PLCL2: variants seen among roughly 807,000 people sequenced by gnomAD.
PLCL2 encodes phospholipase C like 2.
In PLCL2, 4 loss-of-function variants were observed where a neutral mutation model predicts 79.6. That is an observed-to-expected ratio of 0.05 (90% confidence interval 0.02 to 0.11). The LOEUF (loss-of-function observed/expected upper bound fraction) is 0.11, where lower values mean the gene tolerates loss of function less well. PLCL2 is among the 10% of genes least tolerant of loss of function. The pLI is 1.00. For missense variants in PLCL2, 895 were observed against 1,291.0 expected (o/e 0.69, Z 4.70); for synonymous variants, 484 against 457.7 (o/e 1.06, Z -0.73).
intron 1 of PLCL2, among the ~76,000 whole-genome samples, chr3:16,986,965 T>G (rs2064056233): frequency 6.6e-6 from 1 of 151,818 alleles, no homozygotes; most frequent in African/African-American, 2.4e-5. Flanking sequence ...GAGAAGCCAT[T>G]TGATATAGAA....
At chr3:16,910,704 G>C (rs1304272216) in intron 1 of PLCL2, among the ~76,000 whole-genome samples, 1 of 151,742 alleles carries the variant, frequency 6.6e-6, no homozygotes, top group Non-Finnish European at 1.5e-5. Context: ...TGTCCTACTA[G>C]ATTTTTCCAC....
intron 3 of PLCL2, among the ~76,000 whole-genome samples, chr3:17,022,499 T>TA (rs769089546): frequency 8.6e-5 from 13 of 151,926 alleles, no homozygotes; most frequent in Non-Finnish European, 1.8e-4. Context: ...ACAGGAAATT[T>TA]AAAAAAAAGA....
chr3:16,962,306 T>G (rs888526402), intron 1 of PLCL2, among the ~76,000 whole-genome samples: 1 of 152,136 alleles, frequency 6.6e-6, no homozygotes, highest in Non-Finnish European at 1.5e-5. Flanking sequence ...TTCTGGTCAG[T>G]ACAAGATGCC....
chr3:16,923,724 T>C (rs7637568), intron 1 of PLCL2, among the ~76,000 whole-genome samples: 56,586 of 151,992 alleles, frequency 0.37, 10,675 homozygotes, highest in East Asian at 0.55. Context: ...TTCCTCTCCT[T>C]TCATTGTGGA....
chr3:16,992,419 GC>G, intron 1 of PLCL2, among the ~76,000 whole-genome samples: 1 of 152,294 alleles, frequency 6.6e-6, no homozygotes, highest in Middle Eastern at 3.4e-3. Context: ...CCTCCACAGT[GC>G]TCACCACACC....
At chr3:17,074,593 T>A (rs1472047737) in intron 5 of PLCL2, among the ~76,000 whole-genome samples, 1 of 152,224 alleles carries the variant, frequency 6.6e-6, no homozygotes. Context: ...AAGCCCTAGA[T>A]GGCATCTTCT....
intron 1 of PLCL2, among the ~76,000 whole-genome samples, chr3:16,938,771 C>T (rs1384720846): frequency 1.3e-5 from 2 of 152,130 alleles, no homozygotes; most frequent in African/African-American, 4.8e-5. Flanking sequence ...GTTTATGCCC[C>T]ACCCAGGCAT....
At chr3:17,049,726 G>A (rs2064819007) in intron 4 of PLCL2, among the ~76,000 whole-genome samples, 1 of 151,854 alleles carries the variant, frequency 6.6e-6, no homozygotes, top group Non-Finnish European at 1.5e-5. Context: ...TGGATTGGAA[G>A]AATCAATATT....
chr3:16,957,302 G>A (rs1199051252), intron 1 of PLCL2, among the ~76,000 whole-genome samples: 1 of 152,146 alleles, frequency 6.6e-6, no homozygotes, highest in Non-Finnish European at 1.5e-5. Context: ...TAGTCACTCA[G>A]GAGCAGGTTG....
intron 1 of PLCL2, among the ~76,000 whole-genome samples, chr3:17,007,715 G>A (rs2064278069): frequency 6.6e-6 from 1 of 152,204 alleles, no homozygotes; most frequent in Non-Finnish European, 1.5e-5. Context: ...CAGAGATAGA[G>A]TATAGCATAA....
chr3:16,949,138 A>G (rs1005126478), intron 1 of PLCL2, among the ~76,000 whole-genome samples: 4 of 152,224 alleles, frequency 2.6e-5, no homozygotes, highest in Non-Finnish European at 4.4e-5. Context: ...GTTCAGCAGT[A>G]GAATCCTAGT....
At chr3:17,083,012 C>G (rs2065179546) in intron 5 of PLCL2, among the ~76,000 whole-genome samples, 1 of 152,092 alleles carries the variant, frequency 6.6e-6, no homozygotes, top group South Asian at 2.1e-4. Flanking sequence ...AGCCCTTACT[C>G]TGTACCTGGC....
At chr3:17,058,374 G>T (rs148009810) in intron 4 of PLCL2, among the ~76,000 whole-genome samples, 1 of 152,128 alleles carries the variant, frequency 6.6e-6, no homozygotes, top group East Asian at 1.9e-4. Context: ...AAAGAATTTC[G>T]TATGGCAAAA....
intron 5 of PLCL2, among the ~76,000 whole-genome samples, chr3:17,072,438 C>G (rs1215701005): frequency 1.3e-5 from 2 of 151,946 alleles, no homozygotes; most frequent in African/African-American, 2.4e-5. Context: ...GGAGGCCGAG[C>G]TGCATGGATC....
rs186018466 is a variant in PLCL2, at chr3:16,980,075, G to C, written c.328-29599G>C. 7.2e-3 allele frequency among the ~76,000 whole-genome samples: 957 copies of C among 132,794 alleles called. 14 individuals are homozygous for C. The highest frequency in any genetic ancestry group is 0.01 in the Non-Finnish European group (647 of 61,812). 87.1% of individuals were successfully genotyped at this position (132,794 alleles called of 152,430 possible). A position where few individuals can be genotyped will look rare whatever the true frequency, so the allele number is the denominator to read the frequency against. On this transcript the variant is annotated intron_variant, in intron 1 of 5. Transcript: ENST00000615277. ...AGGTGCCCCTCACCTCCGGGACGGGGCGGCTGGCCAGGTAGGGGGCTGACC... is the reference window on the plus strand; with the variant it reads ...AGGTGCCCCTCACCTCCGGGACGGGCCGGCTGGCCAGGTAGGGGGCTGACC...
At chr3:16,915,122 T>C (rs768163243) in intron 1 of PLCL2, among the ~76,000 whole-genome samples, 24 of 152,240 alleles carry the variant, frequency 1.6e-4, no homozygotes, top group Non-Finnish European at 2.8e-4. Flanking sequence ...TAGACGGATG[T>C]TGGAACAAAT....
chr3:16,977,577 G>A (rs2124984192), intron 1 of PLCL2, among the ~76,000 whole-genome samples: 1 of 152,254 alleles, frequency 6.6e-6, no homozygotes, highest in South Asian at 2.1e-4. Flanking sequence ...ACTTATGGTA[G>A]ACCACTTAGG....
At chr3:17,030,445 G>A (rs1342970391) in intron 3 of PLCL2, among the ~76,000 whole-genome samples, 1 of 152,142 alleles carries the variant, frequency 6.6e-6, no homozygotes, top group Non-Finnish European at 1.5e-5. Context: ...TTCCAGAGCA[G>A]CATTTGTCAT....
intron 1 of PLCL2, among the ~76,000 whole-genome samples, chr3:16,927,681 C>A (rs902320014): frequency 6.6e-6 from 1 of 151,614 alleles, no homozygotes; most frequent in Non-Finnish European, 1.5e-5. Context: ...AGGCTCTACC[C>A]ACTAGATGTC....
Sources: allele counts gnomAD v4.1 joint callset (sites outside exome capture counted in the v4.1 genomes callset), GRCh38; gene constraint gnomAD v4.1.1; transcripts MANE v1.5; gene names NCBI Gene and HGNC (gene_info 2026-07-23, HGNC 2026-07-21).